The following PDZRN3 variants were observed in gnomAD, a reference collection of about 807,000 sequenced individuals.
The protein encoded by PDZRN3 is E3 ubiquitin-protein ligase PDZRN3.
PDZRN3 carries 38 observed loss-of-function variants against 85.7 expected under a neutral mutation model. The ratio of observed to expected loss-of-function variants is 0.44; its 90% CI spans 0.34 to 0.58. The LOEUF is 0.58. PDZRN3 is among the 20% of genes least tolerant of loss of function. The probability of loss-of-function intolerance (pLI) is 0.01; values close to 1 mark genes in which losing one functional copy is unlikely to be tolerated. For synonymous variants in PDZRN3, 759 were observed against 638.0 expected (o/e 1.19, Z -2.86); for missense variants, 1,629 against 1,506.4 (o/e 1.08, Z -1.35).
intron 3 of PDZRN3, among the ~76,000 whole-genome samples, chr3:73,558,610 T>G (rs1411942550): frequency 6.6e-6 from 1 of 152,200 alleles, no homozygotes; most frequent in Non-Finnish European, 1.5e-5. Flanking sequence ...TCCCGCTCCC[T>G]GGGTCAGGGG....
chr3:73,463,318 G>C (rs1703145792), intron 3 of PDZRN3, among the ~76,000 whole-genome samples: 1 of 152,182 alleles, frequency 6.6e-6, no homozygotes, highest in African/African-American at 2.4e-5. Context: ...AAAGGTGCCT[G>C]GTTACTTACT....
At chr3:73,572,548 C>G (rs1376553573) in intron 3 of PDZRN3, among the ~76,000 whole-genome samples, 2 of 152,182 alleles carry the variant, frequency 1.3e-5, no homozygotes, top group Non-Finnish European at 2.9e-5. Flanking sequence ...GTGTGAACAA[C>G]TCCCATAAAT....
At chr3:73,393,353 C>G (rs1027744496) in intron 5 of PDZRN3, among the ~76,000 whole-genome samples, 5 of 152,202 alleles carry the variant, frequency 3.3e-5, no homozygotes, top group African/African-American at 1.2e-4. Flanking sequence ...ACTACTACTA[C>G]TACTACTACT....
At chr3:73,526,623 T>G (rs1467908419) in intron 3 of PDZRN3, among the ~76,000 whole-genome samples, 4 of 152,252 alleles carry the variant, frequency 2.6e-5, no homozygotes. Context: ...CAGAGCAATG[T>G]GGAGAATGTG....
chr3:73,539,506 CT>C (rs1704864983), intron 3 of PDZRN3, among the ~76,000 whole-genome samples: 2 of 152,250 alleles, frequency 1.3e-5, no homozygotes, highest in South Asian at 2.1e-4. Context: ...CTGAGTGAGA[CT>C]TCAAAGACCA....
chr3:73,580,245 G>GT (rs1454824653), intron 3 of PDZRN3, among the ~76,000 whole-genome samples: 2 of 152,204 alleles, frequency 1.3e-5, no homozygotes, highest in Non-Finnish European at 2.9e-5. Context: ...CCATGAAATT[G>GT]TATGTATACA....
intron 3 of PDZRN3, among the ~76,000 whole-genome samples, chr3:73,577,608 T>C (rs1702143213): frequency 6.6e-6 from 1 of 152,120 alleles, no homozygotes; most frequent in South Asian, 2.1e-4. Flanking sequence ...AGAGGAGAAA[T>C]GCGCCCTAGA....
intron 3 of PDZRN3, among the ~76,000 whole-genome samples, chr3:73,472,722 A>G (rs1575676983): frequency 1.3e-5 from 2 of 152,218 alleles, no homozygotes; most frequent in Admixed American, 6.5e-5. Context: ...TAAACCTTCA[A>G]TCTTCATTAT....
At chr3:73,602,707 C>G (rs574692853) in intron 2 of PDZRN3, among the ~76,000 whole-genome samples, 1 of 152,204 alleles carries the variant, frequency 6.6e-6, no homozygotes, top group Non-Finnish European at 1.5e-5. Context: ...CTTCTTCCCC[C>G]GCCTATGGTA....
intron 3 of PDZRN3, chr3:73,561,421 G>C (rs534007421): frequency 6.6e-6 from 1 of 152,216 alleles, no homozygotes. Context: ...TCCACAGCAT[G>C]TCAAGAAGGG....
chr3:73,387,922 A>AT (rs779432152), intron 8 of PDZRN3, 46 bp downstream of exon 8: 17 of 916,606 alleles, frequency 1.9e-5, no homozygotes, highest in Non-Finnish European at 2.7e-5. Context: ...GGATCTTTTG[A>AT]TTTTAGAAAT....
chr3:73,482,918 T>C (rs7627890), intron 3 of PDZRN3, among the ~76,000 whole-genome samples: 86,904 of 152,092 alleles, frequency 0.57, 24,976 homozygotes, highest in East Asian at 0.78. Flanking sequence ...CTTTCATCAT[T>C]ACATATGCAG....
At chr3:73,456,992 C>A (rs1279221460) in intron 3 of PDZRN3, among the ~76,000 whole-genome samples, 1 of 151,672 alleles carries the variant, frequency 6.6e-6, no homozygotes, top group Non-Finnish European at 1.5e-5. Flanking sequence ...ATGTATGTAT[C>A]CTGTTGGTAT....
rs374319600 is a variant in PDZRN3, at chr3:73,538,890, G to A, written c.918+63464C>T. On this transcript the variant is annotated intron_variant, in intron 3 of 9. Coordinates refer to ENST00000263666, the MANE Select transcript of PDZRN3 (RefSeq NM_015009.3). Reference sequence around the variant, plus strand: ...CTCTCCTCCTCTGAAGGCTCACTGTGTTTCTTTAAGGTGTCTCTTTTGTTC... The same window carrying A: ...CTCTCCTCCTCTGAAGGCTCACTGTATTTCTTTAAGGTGTCTCTTTTGTTC... Among the ~76,000 whole-genome samples the A allele has an allele frequency of 3.9e-5, 6 of 152,222 alleles. No homozygotes were observed. In the East Asian group the frequency reaches 1.2e-3, roughly 29 times the overall value.
chr3:73,420,766 G>T lies in PDZRN3; in HGVS notation c.919-16371C>A, dbSNP rs1702184215. The stretch of plus-strand genomic sequence containing the variant: ...GGCTTTTTCCTTCAACCCCTAGATT[G>T]GCCTATTAGACAATAGAGTCATCTC... On this transcript the variant is annotated intron_variant, in intron 3 of 9. Coordinates refer to ENST00000263666, the MANE Select transcript of PDZRN3 (RefSeq NM_015009.3). 2.0e-5 allele frequency among the ~76,000 whole-genome samples: 3 copies of T among 152,018 alleles called. No individual in the cohort carries two copies. In the South Asian group the frequency reaches 6.2e-4, roughly 32 times the overall value.
intron 6 of PDZRN3, 47 bp downstream of exon 6, chr3:73,390,971 T>C (rs1337301236): frequency 4.0e-6 from 5 of 1,261,444 alleles, no homozygotes; most frequent in Middle Eastern, 1.9e-4. Flanking sequence ...AAAAAAACCC[T>C]TTTGGTCTTG....
rs151043036 is a variant in PDZRN3, at chr3:73,573,545, A to G, written c.918+28809T>C. Among the ~76,000 whole-genome samples the G allele has an allele frequency of 1.3e-3, 197 of 152,292 alleles. 1 individual carries two copies. Among genetic ancestry groups the G allele is most frequent in the African/African-American group, 4.5e-3 (189 of 41,564 alleles). On this transcript the variant is annotated intron_variant, in intron 3 of 9. Coordinates refer to ENST00000263666, the MANE Select transcript of PDZRN3 (RefSeq NM_015009.3). The stretch of plus-strand genomic sequence containing the variant: ...TATTGCCTGTAACTGCTTTCACACT[A>G]CAATGGCAGAGTTGAGTAGCTGCAA...
Position 73,384,674 on chromosome 3 carries a change from G to C in PDZRN3, c.1892C>G (p.Thr631Arg). Residue 631 changes from threonine to arginine, a missense_variant, in exon 10 of 10, where the codon ACG (threonine) becomes AGG (arginine). Transcript: ENST00000263666. ...CGGGATCCCCAGGTAGTCGGCGTCC[G>C]TGCAGTCGGCCGAAATGAAAGACTC... is the stretch of plus-strand genomic sequence containing the variant. Reference protein sequence around the residue: ...SNESFISADCTDADYLGIPVD... With the variant: ...SNESFISADCRDADYLGIPVD... 1 of 1,613,914 alleles carries C rather than the reference G, an allele frequency of 6.2e-7. No individual in the cohort carries two copies. Among genetic ancestry groups the C allele is most frequent in the Non-Finnish European group, 8.5e-7 (1 of 1,180,010 alleles).
At chr3:73,541,481 A>T (rs1704920572) in intron 3 of PDZRN3, among the ~76,000 whole-genome samples, 1 of 152,204 alleles carries the variant, frequency 6.6e-6, no homozygotes, top group African/African-American at 2.4e-5. Context: ...TGATGTAGAG[A>T]GAGGTTAAGT....
Sources: allele counts gnomAD v4.1 joint callset (sites outside exome capture counted in the v4.1 genomes callset), GRCh38; gene constraint gnomAD v4.1.1; transcripts MANE v1.5; gene names NCBI Gene and HGNC (gene_info 2026-07-23, HGNC 2026-07-21).